The following BTBD8 variants were observed in gnomAD, a reference collection of about 807,000 sequenced individuals.
The protein encoded by BTBD8 is BTB/POZ domain-containing protein 8.
BTBD8 carries 110 observed loss-of-function variants against 162.9 expected under a neutral mutation model. The observed-to-expected ratio is 0.68, with a 90% CI of 0.58 to 0.79. The LOEUF is 0.79. Ranked by LOEUF, BTBD8 falls within the 30% of genes least tolerant of loss-of-function variation. BTBD8 has a pLI of 0.00. For synonymous variants in BTBD8, 667 were observed against 716.1 expected, an observed-to-expected ratio of 0.93 and a Z score of 1.10; for missense variants, 1,905 against 2,085.4, an observed-to-expected ratio of 0.91 and a Z score of 1.68.
In BTBD8 at chr1:92,180,607, A is replaced by G. The variant is rs371842534; in HGVS notation, c.2924A>G (p.Asp975Gly). 1.1e-4 allele frequency: 172 copies of G among 1,551,350 alleles called. No individual in the cohort carries two copies. The highest frequency in any genetic ancestry group is 1.3e-4 in the Non-Finnish European group (153 of 1,146,918). The part of the protein sequence containing the change: ...VQKSMFHDVR[D>G]NNNKDSVSEQ... ...AAAAGTATGTTTCATGATGTGCGTG[A>G]TAATAACAACAAGGACAGTGTTTCT... Residue 975 changes from aspartate to glycine, a missense_variant, in exon 17 of 18, where the codon GAT becomes GGT. Physicochemically the swap from Asp to Gly is moderately conservative, Grantham distance 94. Coordinates refer to ENST00000636805, the MANE Select transcript of BTBD8 (RefSeq NM_001376131.1).
intron 4 of BTBD8, among the ~76,000 whole-genome samples, chr1:92,119,234 A>G (rs1271122189): frequency 1.3e-5 from 2 of 151,036 alleles, no homozygotes; most frequent in East Asian, 1.9e-4. Flanking sequence ...TTTTGTAATC[A>G]CACTTAGCTT....
chr1:92,173,733 G>A (rs1238671455), intron 13 of BTBD8, among the ~76,000 whole-genome samples: 1 of 152,168 alleles, frequency 6.6e-6, no homozygotes, highest in South Asian at 2.1e-4. Context: ...TCATCTGTGA[G>A]TCTTAGTTTG....
At chr1:92,125,739 C>T in intron 4 of BTBD8, 1 of 443,252 alleles carries the variant, frequency 2.3e-6, no homozygotes, top group African/African-American at 2.0e-5. Context: ...GCTGATTTCA[C>T]ATCTTGATGA....
In BTBD8 at chr1:92,167,850, A is replaced by G; in HGVS notation, c.1308A>G (p.Ser436=). The G allele has an allele frequency of 1.3e-6, 2 of 1,547,850 alleles. No homozygotes were observed. The highest frequency in any genetic ancestry group is 1.7e-6 in the Non-Finnish European group (2 of 1,144,702). The part of the protein sequence containing the change: ...QSENFALLLQ[S]QAMSSTADLL... ...ATATTAATTTCTGTGTTTTATAGTC[A>G]CAAGCAATGAGCAGCACAGCCGATC... Residue 436 remains serine (S), a splice_region_variant and synonymous_variant, in exon 11 of 18, where the codon TCA becomes TCG. Transcript: ENST00000636805.
At chr1:92,085,507 G>A (rs941584467) in intron 1 of BTBD8, among the ~76,000 whole-genome samples, 4 of 151,980 alleles carry the variant, frequency 2.6e-5, no homozygotes, top group African/African-American at 4.8e-5. Flanking sequence ...CAGGAGAATC[G>A]CTTGAACCTA....
chr1:92,107,799 G>C, intron 3 of BTBD8, 85 bp from the exon 4 acceptor site: 1 of 1,074,914 alleles, frequency 9.3e-7, no homozygotes, highest in Non-Finnish European at 1.3e-6. Context: ...TAATTATGTG[G>C]GAAACCTCTT....
intron 5 of BTBD8, among the ~76,000 whole-genome samples, chr1:92,132,356 T>A (rs1211719213): frequency 6.6e-6 from 1 of 151,892 alleles, no homozygotes; most frequent in Non-Finnish European, 1.5e-5. Flanking sequence ...CCTCATGAGC[T>A]GATGAGATTA....
At chr1:92,081,818 C>A (rs527767547) in intron 1 of BTBD8, among the ~76,000 whole-genome samples, 1 of 152,208 alleles carries the variant, frequency 6.6e-6, no homozygotes, top group South Asian at 2.1e-4. Flanking sequence ...AAGTGATCCG[C>A]CCGCCTCGGC....
intron 4 of BTBD8, among the ~76,000 whole-genome samples, chr1:92,109,158 A>C (rs1648821315): frequency 6.6e-6 from 1 of 152,064 alleles, no homozygotes; most frequent in South Asian, 2.1e-4. Flanking sequence ...AAAATTCAGA[A>C]TATAATGTAG....
Position 92,081,568 on chromosome 1 carries a change from C to A in BTBD8, c.149+848C>A, listed in dbSNP as rs1648012966. 2.0e-5 allele frequency among the ~76,000 whole-genome samples: 3 copies of A among 152,150 alleles called. 1 individual carries two copies. In the South Asian group the frequency reaches 6.2e-4, roughly 32 times the overall value. ...TAATTACTAATAATTAAAAGTTGTGCAGCATTCTACTTTTTTTTTTTTGGA... is the reference window on the plus strand; with the variant it reads ...TAATTACTAATAATTAAAAGTTGTGAAGCATTCTACTTTTTTTTTTTTGGA... On this transcript the variant is annotated intron_variant, in intron 1 of 17. Coordinates refer to ENST00000636805, the MANE Select transcript of BTBD8 (RefSeq NM_001376131.1).
chr1:92,172,440 T>G (rs1030519014), intron 13 of BTBD8, among the ~76,000 whole-genome samples: 1 of 152,206 alleles, frequency 6.6e-6, no homozygotes, highest in African/African-American at 2.4e-5. Flanking sequence ...ATGTTTTGTG[T>G]GTTGTTTGTT....
chr1:92,141,730 A>G (rs919531055), intron 7 of BTBD8, among the ~76,000 whole-genome samples: 11 of 152,228 alleles, frequency 7.2e-5, no homozygotes, highest in Non-Finnish European at 1.5e-5. Context: ...CATACTATGC[A>G]TTTTGAAGCC....
rs1648786764 is a variant in BTBD8, at chr1:92,108,144, G to A, written c.662+143G>A. The A allele has an allele frequency of 3.8e-6, 3 of 792,276 alleles. No individual in the cohort carries two copies. The Admixed American group carries it at 6.9e-5, about 18-fold the overall frequency. 49.1% of individuals were successfully genotyped at this position (792,276 alleles called of 1,614,324 possible). On this transcript the variant is annotated intron_variant, in intron 4 of 17. Coordinates refer to ENST00000636805, the MANE Select transcript of BTBD8 (RefSeq NM_001376131.1). ...CCATGAAGGCCAAAGGGGTTCCACT[G>A]TGATTCCTCAGGGGGAGTCCAACAG...
intron 5 of BTBD8, among the ~76,000 whole-genome samples, chr1:92,130,359 TTTTC>T (rs1649482845): frequency 1.3e-5 from 2 of 152,052 alleles, no homozygotes; most frequent in South Asian, 4.2e-4. Context: ...GTTTTTAAAT[TTTTC>T]TTTTATTTTT....
At chr1:92,122,362 G>A (rs540014255) in intron 4 of BTBD8, among the ~76,000 whole-genome samples, 6 of 151,256 alleles carry the variant, frequency 4.0e-5, no homozygotes, top group African/African-American at 9.7e-5. Flanking sequence ...AGGTTCAAAC[G>A]ATTCTCCTGC....
chr1:92,136,132 AT>A (rs886380911), intron 5 of BTBD8, among the ~76,000 whole-genome samples: 1 of 152,174 alleles, frequency 6.6e-6, no homozygotes, highest in Non-Finnish European at 1.5e-5. Context: ...ATCAGTAAAT[AT>A]TTATTTAATT....
At chr1:92,173,998 C>T (rs1163745073) in intron 13 of BTBD8, among the ~76,000 whole-genome samples, 1 of 151,318 alleles carries the variant, frequency 6.6e-6, no homozygotes, top group Non-Finnish European at 1.5e-5. Context: ...CTTCATAGAG[C>T]GATTTAAGAA....
chr1:92,125,803 GGA>G (rs2101925038), intron 4 of BTBD8: 1 of 408,606 alleles, frequency 2.4e-6, no homozygotes, highest in East Asian at 6.1e-5. Flanking sequence ...CTTTATCACT[GGA>G]GAGAGACAGT....
At chr1:92,138,395 T>C (rs1649684236) in intron 5 of BTBD8, among the ~76,000 whole-genome samples, 1 of 152,192 alleles carries the variant, frequency 6.6e-6, no homozygotes, top group Non-Finnish European at 1.5e-5. Context: ...ATGCTAAAAT[T>C]TTGTAGCATT....
Sources: allele counts gnomAD v4.1 joint callset (sites outside exome capture counted in the v4.1 genomes callset), GRCh38; gene constraint gnomAD v4.1.1; transcripts MANE v1.5; gene names NCBI Gene and HGNC (gene_info 2026-07-23, HGNC 2026-07-21).